SOX5: variants seen among roughly 807,000 people sequenced by gnomAD.
SOX5 encodes SRY-box transcription factor 5.
In SOX5, 9 loss-of-function variants were observed where a neutral mutation model predicts 92.0. The ratio of observed to expected loss-of-function variants is 0.10; its 90% confidence interval spans 0.06 to 0.17. The LOEUF (loss-of-function observed/expected upper bound fraction) is 0.17, where lower values mean the gene tolerates loss of function less well. Among genes scored for constraint, SOX5 ranks in the 10% least tolerant of loss-of-function variants. SOX5 has a pLI of 1.00. For missense variants in SOX5, 642 were observed against 944.5 expected, an observed-to-expected ratio of 0.68 and a Z score of 4.20; for synonymous variants, 344 against 336.3, an observed-to-expected ratio of 1.02 and a Z score of -0.25.
Position 23,785,681 on chromosome 12 carries a change from TA to T in SOX5, c.482-29958del, listed in dbSNP as rs199895611. 8.3e-3 allele frequency among the ~76,000 whole-genome samples: 1,266 copies of T among 152,196 alleles called. 9 individuals are homozygous for T. The highest frequency in any genetic ancestry group is 0.027 in the Middle Eastern group (8 of 294). ...ATAATGTTGAATAATGCTATGCATT[TA>T]AAAAAATGTTCGTAAGGCATTAAAG... On this transcript the variant is annotated intron_variant, in intron 3 of 14. Coordinates refer to ENST00000451604, the MANE Select transcript of SOX5 (RefSeq NM_006940.6).
intron 1 of SOX5, among the ~76,000 whole-genome samples, chr12:24,369,718 G>T (rs1483242808): frequency 6.6e-6 from 1 of 152,232 alleles, no homozygotes; most frequent in Admixed American, 6.5e-5. Flanking sequence ...GCTGAGGTTG[G>T]TTTTGGGAAC....
At chr12:24,382,962 G>A (rs761883805) in intron 1 of SOX5, among the ~76,000 whole-genome samples, 6 of 152,118 alleles carry the variant, frequency 3.9e-5, no homozygotes, top group Admixed American at 2.6e-4. Context: ...ATGTGGATAC[G>A]TGTGTCTGGA....
chr12:23,850,051 C>T (rs957115125), intron 2 of SOX5, among the ~76,000 whole-genome samples: 1 of 152,152 alleles, frequency 6.6e-6, no homozygotes, highest in Admixed American at 6.6e-5. Flanking sequence ...AGATGAACTA[C>T]AGATACACAG....
At chr12:23,804,477 T>C (rs987166182) in intron 3 of SOX5, among the ~76,000 whole-genome samples, 1 of 152,166 alleles carries the variant, frequency 6.6e-6, no homozygotes, top group Non-Finnish European at 1.5e-5. Flanking sequence ...ACACCACTGC[T>C]GGAAAATCAT....
At chr12:23,659,700 C>CGGTG (rs1566786365) in intron 7 of SOX5, among the ~76,000 whole-genome samples, 1 of 152,074 alleles carries the variant, frequency 6.6e-6, no homozygotes, top group South Asian at 2.1e-4. Flanking sequence ...TGGCCAGGCA[C>CGGTG]GGTGGCTCAC....
chr12:24,024,346 A>T (rs74068082), intron 4 of SOX5, among the ~76,000 whole-genome samples: 2,466 of 152,146 alleles, frequency 0.016, 58 homozygotes, highest in African/African-American at 0.057. Context: ...CAAAACATCA[A>T]GTGAATTTTA....
At chr12:24,230,936 T>A (rs528056168) in intron 3 of SOX5, among the ~76,000 whole-genome samples, 3 of 152,220 alleles carry the variant, frequency 2.0e-5, no homozygotes, top group African/African-American at 7.2e-5. Context: ...CACTGAAAAT[T>A]GAGAGAACAG....
At chr12:24,476,995 C>CAA (rs11385447) in intron 1 of SOX5, among the ~76,000 whole-genome samples, 5,768 of 51,290 alleles carry the variant, frequency 0.11, 221 homozygotes, top group East Asian at 0.18. Flanking sequence ...AGACCCCTCT[C>CAA]AAAAAAAAAA....
upstream of SOX5, chr12:23,949,701 C>G: frequency 6.3e-7 from 1 of 1,586,988 alleles, no homozygotes. Flanking sequence ...AATTGATTTT[C>G]TCTCTGTCTC....
chr12:24,112,127 A>C (rs1434589090), intron 4 of SOX5, among the ~76,000 whole-genome samples: 1 of 152,232 alleles, frequency 6.6e-6, no homozygotes, highest in East Asian at 1.9e-4. Flanking sequence ...GCATGCAAAA[A>C]TTTTAAGACG....
At chr12:23,673,421 A>T (rs575184626) in intron 6 of SOX5, among the ~76,000 whole-genome samples, 1 of 152,262 alleles carries the variant, frequency 6.6e-6, no homozygotes, top group East Asian at 1.9e-4. Context: ...GTTAATGTGA[A>T]CAGAATCAAG....
At chr12:23,971,616 G>A (rs1240621786) in intron 4 of SOX5, among the ~76,000 whole-genome samples, 1 of 150,812 alleles carries the variant, frequency 6.6e-6, no homozygotes, top group Non-Finnish European at 1.5e-5. Context: ...TTTCACATCA[G>A]CCAAGTATAG....
At chr12:23,780,836 G>C (rs772126935) in intron 3 of SOX5, among the ~76,000 whole-genome samples, 1 of 152,046 alleles carries the variant, frequency 6.6e-6, no homozygotes, top group Non-Finnish European at 1.5e-5. Flanking sequence ...AAAAATCTGA[G>C]TCTGGCATTA....
At chr12:24,021,081 C>A (rs939545736) in intron 4 of SOX5, among the ~76,000 whole-genome samples, 1 of 152,138 alleles carries the variant, frequency 6.6e-6, no homozygotes, top group African/African-American at 2.4e-5. Flanking sequence ...ACATCATTGG[C>A]AGGGCATTGG....
At chr12:23,942,847 A>G (rs917117358) in intron 1 of SOX5, among the ~76,000 whole-genome samples, 3 of 152,058 alleles carry the variant, frequency 2.0e-5, no homozygotes, top group Admixed American at 2.0e-4. Context: ...GTGGAGCTAC[A>G]CATACATTTT....
At chr12:24,418,850 C>T (rs1965457006) in intron 1 of SOX5, among the ~76,000 whole-genome samples, 1 of 152,140 alleles carries the variant, frequency 6.6e-6, no homozygotes, top group African/African-American at 2.4e-5. Flanking sequence ...CAGAAGAAGA[C>T]TACAAAAACT....
chr12:24,440,427 T>G (rs148776732), intron 1 of SOX5, among the ~76,000 whole-genome samples: 1 of 152,274 alleles, frequency 6.6e-6, no homozygotes, highest in East Asian at 1.9e-4. Flanking sequence ...TCCCTACTAG[T>G]TGTGAAAGTG....
At chr12:23,916,893 TA>T (rs913222257) in intron 1 of SOX5, among the ~76,000 whole-genome samples, 3 of 151,300 alleles carry the variant, frequency 2.0e-5, no homozygotes, top group South Asian at 4.2e-4. Flanking sequence ...TTTTAATATC[TA>T]AAAAAAAACT....
intron 3 of SOX5, among the ~76,000 whole-genome samples, chr12:24,214,866 T>C (rs114692611): frequency 6.6e-6 from 1 of 152,066 alleles, no homozygotes; most frequent in Non-Finnish European, 1.5e-5. Flanking sequence ...TTTGGAATAT[T>C]TAGATCATTT....
Sources: allele counts gnomAD v4.1 joint callset (sites outside exome capture counted in the v4.1 genomes callset), GRCh38; gene constraint gnomAD v4.1.1; transcripts MANE v1.5; gene names NCBI Gene and HGNC (gene_info 2026-07-23, HGNC 2026-07-21).